Variants in EXOC3 observed in about 807,000 individuals in gnomAD.
EXOC3 encodes the protein exocyst complex component 3.
Under a neutral mutation model 73.7 loss-of-function variants are expected in EXOC3, and 21 were observed. That is an observed-to-expected ratio of 0.29 (90% CI 0.20 to 0.41). EXOC3 has a LOEUF of 0.41. Among genes scored for constraint, EXOC3 ranks in the 10% least tolerant of loss-of-function variants. EXOC3 has a pLI of 1.00. For synonymous variants in EXOC3, 410 were observed against 389.1 expected, an observed-to-expected ratio of 1.05 and a Z score of -0.63; for missense variants, 842 against 985.1, an observed-to-expected ratio of 0.85 and a Z score of 1.95.
In EXOC3 at chr5:453,464, C is replaced by T. The variant is rs182038937; in HGVS notation, c.459C>T (p.Asp153=). The change falls in exon 4 of 13, where the codon GAC becomes GAT. Residue 153 remains aspartate, a synonymous_variant. Coordinates refer to ENST00000512944, the MANE Select transcript of EXOC3 (RefSeq NM_007277.5). ...TGATGGACCTGGAGTGCTCCCGGGA[C>T]GGGCTGATGTACGAGCAGTACCGCA... ...RKLMDLECSR[D]GLMYEQYRMD... is the part of the protein sequence containing the mutation. 603 of 1,613,214 alleles carry T rather than the reference C, an allele frequency of 3.7e-4. 3 individuals are homozygous for T. The highest frequency in any genetic ancestry group is 3.3e-3 in the East Asian group (146 of 44,860).
At chr5:445,067 G>C (rs1402453405) in intron 1 of EXOC3, 1 of 152,248 alleles carries the variant, frequency 6.6e-6, no homozygotes, top group African/African-American at 2.4e-5. Flanking sequence ...AGGAGAAGGT[G>C]AATCTTTTTA....
At chr5:456,837 G>A in intron 4 of EXOC3, 52 bp from the exon 5 acceptor site, 1 of 1,360,866 alleles carries the variant, frequency 7.3e-7, no homozygotes, top group East Asian at 2.3e-5. Flanking sequence ...ACTTGGGCAT[G>A]CTCTTCTGTG....
At chr5:463,216 G>C (rs189346777) in intron 9 of EXOC3, among the ~76,000 whole-genome samples, 1 of 152,352 alleles carries the variant, frequency 6.6e-6, no homozygotes, top group East Asian at 1.9e-4. Flanking sequence ...GTGTCTGGTT[G>C]TGCAAGAGAA....
At chr5:465,396 G>A (rs1738114107) in intron 11 of EXOC3, 124 bp downstream of exon 11, 2 of 1,107,342 alleles carry the variant, frequency 1.8e-6, no homozygotes, top group South Asian at 1.5e-5. Context: ...GGGGGAGCCT[G>A]GGTCCAGGTC....
Position 465,755 on chromosome 5 carries a change from T to C in EXOC3, c.1976T>C (p.Ile659Thr). The C allele has an allele frequency of 6.2e-7, 1 of 1,613,906 alleles. No homozygotes were observed. Among genetic ancestry groups the C allele is most frequent in the Non-Finnish European group, 8.5e-7 (1 of 1,179,856 alleles). ...GACGTGGACGGATACTGCGACACCA[T>C]CGTGGCTGTGGCCGAAGTGATCAAG... Reference protein sequence around the residue: ...GEDVDGYCDTIVAVAEVIKLT... With the variant: ...GEDVDGYCDTTVAVAEVIKLT... The change falls in exon 12 of 13, where the codon ATC (isoleucine) becomes ACC (threonine). Residue 659 changes from isoleucine (I) to threonine (T), a missense_variant. Physicochemically the swap from Ile to Thr is moderately conservative, Grantham distance 89. Coordinates refer to ENST00000512944, the MANE Select transcript of EXOC3 (RefSeq NM_007277.5).
Position 454,055 on chromosome 5 carries a change from A to G in EXOC3, c.1046+4A>G, listed in dbSNP as rs766222429. On this transcript the variant is annotated splice_donor_region_variant and intron_variant, in intron 4 of 12. Coordinates refer to ENST00000512944, the MANE Select transcript of EXOC3 (RefSeq NM_007277.5). ...GGGTCTTAAACACCTACACAAGGTA[A>G]AGCTAACCTGGCGCCTGTGTTGGCT... is the stretch of plus-strand genomic sequence containing the variant. 5.0e-6 allele frequency: 8 copies of G among 1,590,094 alleles called. No individual in the cohort carries two copies. Among genetic ancestry groups the G allele is most frequent in the Admixed American group, 1.8e-5 (1 of 55,704 alleles).
intron 10 of EXOC3, 115 bp from the exon 11 acceptor site, chr5:464,996 G>T: frequency 9.2e-7 from 1 of 1,085,918 alleles, no homozygotes; most frequent in Non-Finnish European, 1.3e-6. Flanking sequence ...GGAGCGAGGA[G>T]GAGTGGGCTC....
intron 2 of EXOC3, chr5:447,141 C>T (rs1737532293): frequency 6.2e-6 from 1 of 162,598 alleles, no homozygotes; most frequent in South Asian, 1.7e-4. Flanking sequence ...TGACCGTTCT[C>T]TCTGCCTAGA....
At position 454,022 on chromosome 5, in the gene EXOC3, C is replaced by T; in HGVS notation, c.1017C>T (p.Leu339=). 1 of 1,611,390 alleles carries T rather than the reference C, an allele frequency of 6.2e-7. No individual in the cohort carries two copies. The highest frequency in any genetic ancestry group is 8.5e-7 in the Non-Finnish European group (1 of 1,178,704). ...TGGAAGCCAATGAGATCGTGAGCCT[C>T]TTGACGTGGGTCTTAAACACCTACA... The part of the protein sequence containing the change: ...EDLEANEIVS[L]LTWVLNTYTS... Residue 339 remains leucine, a synonymous_variant, in exon 4 of 13, where the codon CTC becomes CTT. Transcript: ENST00000512944.
chr5:453,296 C>G (rs1034610529), intron 3 of EXOC3, 74 bp from the exon 4 acceptor site: 28 of 1,187,202 alleles, frequency 2.4e-5, no homozygotes, highest in Non-Finnish European at 2.4e-5. Flanking sequence ...CTGCCGTGTT[C>G]CCAGAACACC....
Position 465,859 on chromosome 5 carries a change from G to T in EXOC3, c.2066+14G>T, listed in dbSNP as rs1024071477. ...TCCAGACATCAGGTAAGGGATGCACGTCTTAGAATCCTGCCTTAGAATCCT... is the reference window on the plus strand; with the variant it reads ...TCCAGACATCAGGTAAGGGATGCACTTCTTAGAATCCTGCCTTAGAATCCT... On this transcript the variant is annotated intron_variant, in intron 12 of 12. Coordinates refer to ENST00000512944, the MANE Select transcript of EXOC3 (RefSeq NM_007277.5). 3.7e-6 allele frequency: 6 copies of T among 1,603,070 alleles called. No homozygotes were observed. The highest frequency in any genetic ancestry group is 2.2e-5 in the South Asian group (2 of 88,904).
intron 3 of EXOC3, among the ~76,000 whole-genome samples, chr5:450,910 GTCT>G (rs1737644016): frequency 6.6e-6 from 1 of 151,380 alleles, no homozygotes; most frequent in South Asian, 2.1e-4. Flanking sequence ...ACCTATTTGT[GTCT>G]TGGGCTCTAA....
rs199822297 is a variant in EXOC3 at position 453,507 on chromosome 5, C to T, written c.502C>T (p.Arg168Cys). The T allele has an allele frequency of 1.3e-4, 212 of 1,613,858 alleles. No individual in the cohort carries two copies. Among genetic ancestry groups the T allele is most frequent in the Non-Finnish European group, 1.6e-4 (188 of 1,179,898 alleles). ...EQYRMDSGNT[R>C]DMTLIHGYFG... ...GTACCGCATGGACAGTGGGAACACGCGTGACATGACCCTCATCCATGGCTA... is the reference window on the plus strand; with the variant it reads ...GTACCGCATGGACAGTGGGAACACGTGTGACATGACCCTCATCCATGGCTA... Residue 168 changes from arginine (R) to cysteine (C), a missense_variant, in exon 4 of 13, where the codon CGT becomes TGT. Physicochemically the swap from Arg to Cys is radical, Grantham distance 180 (BLOSUM62 -3). Coordinates refer to ENST00000512944, the MANE Select transcript of EXOC3 (RefSeq NM_007277.5).
At chr5:463,170 C>T (rs1339054896) in intron 9 of EXOC3, among the ~76,000 whole-genome samples, 1 of 151,984 alleles carries the variant, frequency 6.6e-6, no homozygotes, top group African/African-American at 2.4e-5. Context: ...AAAGGGGTTC[C>T]TGGGATGAGG....
chr5:454,025 G>A lies in EXOC3; in HGVS notation c.1020G>A (p.Leu340=). 1 of 1,610,630 alleles carries A rather than the reference G, an allele frequency of 6.2e-7. No homozygotes were observed. Among genetic ancestry groups the A allele is most frequent in the South Asian group, 1.1e-5 (1 of 90,536 alleles). The part of the protein sequence containing the change: ...DLEANEIVSL[L]TWVLNTYTST... Reference sequence around the variant, plus strand: ...AAGCCAATGAGATCGTGAGCCTCTTGACGTGGGTCTTAAACACCTACACAA... The same window carrying A: ...AAGCCAATGAGATCGTGAGCCTCTTAACGTGGGTCTTAAACACCTACACAA... Residue 340 remains leucine (L), a synonymous_variant, in exon 4 of 13, where the codon TTG becomes TTA. Coordinates refer to ENST00000512944, the MANE Select transcript of EXOC3 (RefSeq NM_007277.5).
chr5:449,227 TG>T (rs1224250773), intron 3 of EXOC3, among the ~76,000 whole-genome samples: 1 of 152,252 alleles, frequency 6.6e-6, no homozygotes, highest in East Asian at 1.9e-4. Flanking sequence ...CCTTCAGACT[TG>T]TCTCATTGCC....
intron 9 of EXOC3, among the ~76,000 whole-genome samples, chr5:464,028 A>C (rs1027174700): frequency 3.3e-5 from 5 of 152,284 alleles, no homozygotes; most frequent in African/African-American, 1.2e-4. Context: ...TAATTAGAAA[A>C]GCAGTGTGAC....
chr5:457,730 T>G (rs1172480040), intron 5 of EXOC3, 170 bp from the exon 6 acceptor site: 11 of 628,242 alleles, frequency 1.8e-5, no homozygotes, highest in Non-Finnish European at 2.7e-5. Context: ...CTGCCTCCCA[T>G]GGGGGTGGCT....
intron 10 of EXOC3, chr5:464,830 CCTGT>C (rs1738091666): frequency 1.9e-6 from 1 of 517,906 alleles, no homozygotes; most frequent in African/African-American, 1.9e-5. Flanking sequence ...CTGACACGGG[CCTGT>C]CTGTGGACCG....
Sources: gnomAD v4.1 joint callset for allele counts (sites outside exome capture counted in the v4.1 genomes callset) on GRCh38, gnomAD v4.1.1 for gene constraint, MANE v1.5 for transcripts, NCBI Gene and HGNC (gene_info 2026-07-23, HGNC 2026-07-21) for gene names.